Variants in EFNA5 observed in about 807,000 individuals in gnomAD.
The protein encoded by EFNA5 is ephrin A5.
Under a neutral mutation model 22.9 loss-of-function variants are expected in EFNA5, and 5 were observed. That is an observed-to-expected ratio of 0.22 (90% CI 0.11 to 0.46). The LOEUF (loss-of-function observed/expected upper bound fraction) is 0.46. Among genes scored for constraint, EFNA5 ranks in the 20% least tolerant of loss-of-function variants. The probability of loss-of-function intolerance (pLI) is 0.99; values close to 1 mark genes in which losing one functional copy is unlikely to be tolerated. For missense variants in EFNA5, 237 were observed against 293.3 expected, an observed-to-expected ratio of 0.81 and a Z score of 1.40; for synonymous variants, 113 against 112.2, an observed-to-expected ratio of 1.01 and a Z score of -0.04.
chr5:107,445,115 T>A (rs561192295), intron 1 of EFNA5, among the ~76,000 whole-genome samples: 6 of 152,242 alleles, frequency 3.9e-5, no homozygotes, highest in Non-Finnish European at 8.8e-5. Context: ...CTCCACCTCC[T>A]GAGTTCAAGT....
At position 107,377,495 on chromosome 5, in the gene EFNA5, G is replaced by C. The variant is rs1747297894; in HGVS notation, c.*3760C>G. Reference sequence around the variant, plus strand: ...CAGTGACCACAACTCTGAGAGCAATGAATGGAAAGGAGGAGTTGAAAACTG... The same window carrying C: ...CAGTGACCACAACTCTGAGAGCAATCAATGGAAAGGAGGAGTTGAAAACTG... On this transcript the variant is annotated 3_prime_UTR_variant, in exon 5 of 5. Coordinates refer to ENST00000333274, the MANE Select transcript of EFNA5 (RefSeq NM_001962.3). The C allele has an allele frequency of 6.6e-6, 1 of 152,188 alleles. No homozygotes were observed. The highest frequency in any genetic ancestry group is 2.4e-5 in the African/African-American group (1 of 41,440). The allele number at this position is 152,188 out of a possible 1,614,324, so 9.4% of individuals were successfully genotyped here.
At chr5:107,668,017 C>T (rs1401315417) in intron 1 of EFNA5, among the ~76,000 whole-genome samples, 1 of 152,178 alleles carries the variant, frequency 6.6e-6, no homozygotes, top group East Asian at 1.9e-4. Context: ...TTATTCAACA[C>T]TTCAGAGATA....
chr5:107,391,440 T>A (rs956286623), intron 2 of EFNA5, among the ~76,000 whole-genome samples: 3 of 152,136 alleles, frequency 2.0e-5, no homozygotes, highest in Non-Finnish European at 4.4e-5. Context: ...CAGCAGCAAC[T>A]GGGACAGAAG....
chr5:107,491,959 C>T (rs891617866), intron 1 of EFNA5, among the ~76,000 whole-genome samples: 2 of 152,076 alleles, frequency 1.3e-5, no homozygotes, highest in African/African-American at 4.8e-5. Flanking sequence ...TTCAGCCTCC[C>T]GAGTAGCTGG....
intron 1 of EFNA5, among the ~76,000 whole-genome samples, chr5:107,428,987 G>A (rs1748877791): frequency 6.6e-6 from 1 of 152,102 alleles, no homozygotes; most frequent in Non-Finnish European, 1.5e-5. Context: ...TGATTCCCTT[G>A]GTTCTTTCTA....
chr5:107,393,757 T>G (rs745795489), intron 2 of EFNA5, among the ~76,000 whole-genome samples: 1 of 152,110 alleles, frequency 6.6e-6, no homozygotes, highest in Admixed American at 6.6e-5. Context: ...ATTAGGCAGG[T>G]GAAGGTGGAA....
intron 1 of EFNA5, among the ~76,000 whole-genome samples, chr5:107,482,044 T>A (rs910622061): frequency 2.0e-4 from 31 of 152,162 alleles, no homozygotes; most frequent in African/African-American, 7.5e-4. Context: ...GCGTAGTGGC[T>A]CATGCCTATA....
At chr5:107,499,418 C>A (rs576631789) in intron 1 of EFNA5, among the ~76,000 whole-genome samples, 14 of 152,320 alleles carry the variant, frequency 9.2e-5, no homozygotes, top group Middle Eastern at 3.4e-3. Context: ...TTCTATGAGT[C>A]CTTGTTTGTG....
intron 1 of EFNA5, among the ~76,000 whole-genome samples, chr5:107,468,425 T>C: frequency 6.6e-6 from 1 of 152,194 alleles, no homozygotes; most frequent in African/African-American, 2.4e-5. Flanking sequence ...ATAAAATGAA[T>C]GGTGCAGTTC....
chr5:107,524,541 C>T (rs973852089), intron 1 of EFNA5, among the ~76,000 whole-genome samples: 4 of 152,208 alleles, frequency 2.6e-5, no homozygotes. Context: ...ACATTTTTTA[C>T]TACTGGCAAA....
At position 107,599,062 on chromosome 5, in the gene EFNA5, T is replaced by C. The variant is rs532161896; in HGVS notation, c.125+71427A>G. ...ATATTAAGGGAAATAAAAACATGCA[T>C]ATTTGGTTTTTCTGTGACTTAAGAA... On this transcript the variant is annotated intron_variant, in intron 1 of 4. Transcript: ENST00000333274. 1.1e-4 allele frequency among the ~76,000 whole-genome samples: 16 copies of C among 152,244 alleles called. No individual in the cohort carries two copies. The South Asian group carries it at 3.1e-3, about 30-fold the overall frequency.
chr5:107,613,013 A>G (rs1405676796), intron 1 of EFNA5, among the ~76,000 whole-genome samples: 1 of 152,182 alleles, frequency 6.6e-6, no homozygotes, highest in African/African-American at 2.4e-5. Flanking sequence ...ATCATCTACG[A>G]ACAGTGATAC....
At chr5:107,657,871 C>A (rs12658828) in intron 1 of EFNA5, among the ~76,000 whole-genome samples, 1 of 151,902 alleles carries the variant, frequency 6.6e-6, no homozygotes, top group South Asian at 2.1e-4. Flanking sequence ...AAACAAAAAA[C>A]AAAAAACGCA....
chr5:107,487,851 A>G (rs1746684347), intron 1 of EFNA5, among the ~76,000 whole-genome samples: 1 of 152,210 alleles, frequency 6.6e-6, no homozygotes, highest in Non-Finnish European at 1.5e-5. Context: ...GCCAACAAAT[A>G]TTTGCTGAAT....
chr5:107,477,992 T>A (rs730676), intron 1 of EFNA5, among the ~76,000 whole-genome samples: 23,465 of 152,054 alleles, frequency 0.15, 2,065 homozygotes, highest in African/African-American at 0.23. Flanking sequence ...TTTTTAGTGA[T>A]AACCACCGAA....
rs756694734 is a variant in EFNA5 at position 107,387,775 on chromosome 5, T to C, written c.419-4A>G. The stretch of plus-strand genomic sequence containing the variant: ...CCATTATCTGGGATTGCAGAGGCTG[T>C]GGGTAACACAGAGAGAGAGCAGGAA... On this transcript the variant is annotated splice_region_variant and splice_polypyrimidine_tract_variant and intron_variant, in intron 2 of 4. Coordinates refer to ENST00000333274, the MANE Select transcript of EFNA5 (RefSeq NM_001962.3). 3.1e-6 allele frequency: 5 copies of C among 1,607,558 alleles called. No homozygotes were observed. Among genetic ancestry groups the C allele is most frequent in the Non-Finnish European group, 4.3e-6 (5 of 1,175,288 alleles).
At chr5:107,459,722 G>T (rs3957313) in intron 1 of EFNA5, among the ~76,000 whole-genome samples, 2 of 152,110 alleles carry the variant, frequency 1.3e-5, no homozygotes, top group Non-Finnish European at 2.9e-5. Flanking sequence ...GAGTTGTCAC[G>T]CAATGGCACA....
chr5:107,607,387 A>G (rs1439026201), intron 1 of EFNA5, among the ~76,000 whole-genome samples: 4 of 152,216 alleles, frequency 2.6e-5, no homozygotes, highest in Admixed American at 6.5e-5. Flanking sequence ...TCCTTCTTCA[A>G]ACATTTGCAG....
At chr5:107,633,399 T>C (rs1222779065) in intron 1 of EFNA5, among the ~76,000 whole-genome samples, 1 of 152,240 alleles carries the variant, frequency 6.6e-6, no homozygotes, top group Non-Finnish European at 1.5e-5. Flanking sequence ...CCTGACAAGA[T>C]GCCAAGTAAG....
Sources: allele counts gnomAD v4.1 joint callset (sites outside exome capture counted in the v4.1 genomes callset), GRCh38; gene constraint gnomAD v4.1.1; transcripts MANE v1.5; gene names NCBI Gene and HGNC (gene_info 2026-07-23, HGNC 2026-07-21).